Variants in VDAC1 observed in about 807,000 individuals in gnomAD.
VDAC1 encodes voltage dependent anion channel 1.
Under a neutral mutation model 34.7 loss-of-function variants are expected in VDAC1, and 10 were observed. The observed-to-expected ratio is 0.29, with a 90% CI of 0.18 to 0.49. The LOEUF is 0.49. Ranked by LOEUF, VDAC1 falls within the 20% of genes least tolerant of loss-of-function variation. The pLI, the probability that VDAC1 is intolerant of heterozygous loss-of-function variation, is 0.99. For missense variants in VDAC1, 230 were observed against 347.9 expected, an observed-to-expected ratio of 0.66 and a Z score of 2.69; for synonymous variants, 130 against 136.0, an observed-to-expected ratio of 0.96 and a Z score of 0.30.
rs1752345254 is a variant in VDAC1, at chr5:133,972,744, A to G, written c.*27T>C. On this transcript the variant is annotated 3_prime_UTR_variant, in exon 9 of 9. Coordinates refer to ENST00000265333, the MANE Select transcript of VDAC1 (RefSeq NM_003374.3). ...AGGTAGCTATGCTGCAAAATAGTTT[A>G]AAATTAAACAATTGTACAGTATTCA... 7.3e-7 allele frequency: 1 copy of G among 1,377,828 alleles called. No individual in the cohort carries two copies. The highest frequency in any genetic ancestry group is 1.4e-5 in the African/African-American group (1 of 69,472). 85.4% of individuals were successfully genotyped at this position (1,377,828 alleles called of 1,614,324 possible). A position where few individuals can be genotyped will look rare whatever the true frequency, so the allele number is the denominator to read the frequency against.
chr5:133,998,097 T>A (rs1343098673), intron 1 of VDAC1, among the ~76,000 whole-genome samples: 2 of 150,626 alleles, frequency 1.3e-5, no homozygotes, highest in South Asian at 2.1e-4. Flanking sequence ...GAAAGAAAGC[T>A]AGCTAGCTAT....
chr5:134,072,534 T>A, the VDAC1 span, among the ~76,000 whole-genome samples: 2 of 152,108 alleles, frequency 1.3e-5, no homozygotes, highest in Non-Finnish European at 2.9e-5. Context: ...GACAGCACAC[T>A]GGGGGGAAAG....
chr5:133,992,424 G>A, intron 2 of VDAC1, 69 bp from the exon 3 acceptor site: 1 of 1,274,094 alleles, frequency 7.8e-7, no homozygotes, highest in Non-Finnish European at 1.1e-6. Flanking sequence ...CCTCCCTCAT[G>A]GTTGCTTCAG....
chr5:134,031,454 C>T, the VDAC1 span, among the ~76,000 whole-genome samples: 6 of 152,130 alleles, frequency 3.9e-5, no homozygotes, highest in Non-Finnish European at 5.9e-5. Flanking sequence ...TCCCAGGAGG[C>T]CCTAAATGCA....
intron 5 of VDAC1, among the ~76,000 whole-genome samples, chr5:133,981,371 T>G (rs917075570): frequency 9.2e-5 from 14 of 152,214 alleles, no homozygotes; most frequent in African/African-American, 2.9e-4. Context: ...GCTACCTAAA[T>G]AGCAGCTTTT....
chr5:133,984,162 C>T (rs1194999669), intron 5 of VDAC1, among the ~76,000 whole-genome samples: 3 of 152,020 alleles, frequency 2.0e-5, no homozygotes, highest in African/African-American at 7.3e-5. Flanking sequence ...CTCAGGTGAT[C>T]CTCCCACCTC....
intron 1 of VDAC1, among the ~76,000 whole-genome samples, chr5:133,998,540 A>C (rs1294641539): frequency 6.6e-6 from 1 of 152,200 alleles, no homozygotes; most frequent in Non-Finnish European, 1.5e-5. Context: ...CCCTCTCCAA[A>C]AAAACAGCAC....
chr5:134,033,356 C>G, the VDAC1 span, among the ~76,000 whole-genome samples: 3 of 151,576 alleles, frequency 2.0e-5, 1 homozygote, highest in South Asian at 6.3e-4. Context: ...CGGGGTTTCA[C>G]CACGTTGGCC....
chr5:134,099,671 C>A, the VDAC1 span, among the ~76,000 whole-genome samples: 2 of 152,342 alleles, frequency 1.3e-5, no homozygotes, highest in Non-Finnish European at 2.9e-5. Context: ...GCGTTGACCT[C>A]TTTGGCTTAA....
chr5:133,990,752 T>C (rs1410257364), intron 5 of VDAC1, 103 bp downstream of exon 5: 4 of 1,378,278 alleles, frequency 2.9e-6, no homozygotes, highest in Non-Finnish European at 3.9e-6. Context: ...TCGGAGACCA[T>C]ATTTTAGGTG....
chr5:133,991,210 T>C (rs1314879600), intron 3 of VDAC1, 56 bp from the exon 4 acceptor site: 1 of 1,598,884 alleles, frequency 6.3e-7, no homozygotes, highest in African/African-American at 1.3e-5. Flanking sequence ...TTGGCTTCAC[T>C]TCACTCCTAA....
intron 6 of VDAC1, 40 bp downstream of exon 6, chr5:133,980,689 A>AGCCCCCCCCCCCCCCCC: frequency 7.1e-6 from 4 of 564,052 alleles, no homozygotes; most frequent in Middle Eastern, 3.7e-4. Context: ...ACATGCTCCA[A>AGCCCCCCCCCCCCCCCC]CCCCACCCCT....
At position 133,994,305 on chromosome 5, in the gene VDAC1, G is replaced by A. The variant is rs183461829; in HGVS notation, c.-6-1287C>T. 1.1e-3 allele frequency among the ~76,000 whole-genome samples: 168 copies of A among 152,262 alleles called. 3 individuals carry two copies. The highest frequency in any genetic ancestry group is 1.3e-3 in the Admixed American group (20 of 15,292). On this transcript the variant is annotated intron_variant, in intron 1 of 8. Transcript: ENST00000265333. ...TTTAAATTGTGAAGTTGTGATCCAG[G>A]TCCTACTTTACTTTTTCCAGATGCT...
chr5:133,976,552 C>T (rs184423189), intron 6 of VDAC1, among the ~76,000 whole-genome samples: 1 of 151,772 alleles, frequency 6.6e-6, no homozygotes, highest in East Asian at 1.9e-4. Flanking sequence ...TGGTGACTCA[C>T]GCCTGTAATC....
chr5:134,003,547 A>G (rs1397729533), intron 1 of VDAC1, among the ~76,000 whole-genome samples: 5 of 152,212 alleles, frequency 3.3e-5, no homozygotes, highest in Non-Finnish European at 7.3e-5. Context: ...TGGTATACAA[A>G]TGCTTGTCAA....
the VDAC1 span, among the ~76,000 whole-genome samples, chr5:134,083,915 C>G: frequency 2.6e-5 from 4 of 152,296 alleles, no homozygotes; most frequent in African/African-American, 9.6e-5. Flanking sequence ...TGGAGTGGTG[C>G]AGAGGTCCCA....
At chr5:134,084,583 G>A in the VDAC1 span, among the ~76,000 whole-genome samples, 16 of 152,250 alleles carry the variant, frequency 1.1e-4, no homozygotes, top group African/African-American at 3.6e-4. Context: ...CTCAGGTCCT[G>A]GCTACCTCCA....
intron 6 of VDAC1, among the ~76,000 whole-genome samples, chr5:133,978,317 C>T (rs1027836934): frequency 6.6e-6 from 1 of 151,826 alleles, no homozygotes; most frequent in Non-Finnish European, 1.5e-5. Flanking sequence ...TAAAAAATTT[C>T]TTAGAGACAG....
At chr5:134,000,282 AAC>A (rs1469824805) in intron 1 of VDAC1, among the ~76,000 whole-genome samples, 1 of 152,130 alleles carries the variant, frequency 6.6e-6, no homozygotes, top group Non-Finnish European at 1.5e-5. Flanking sequence ...ATTCTTCCAC[AAC>A]AGTCTCGCAG....
Sources: gnomAD v4.1 joint callset for allele counts (sites outside exome capture counted in the v4.1 genomes callset) on GRCh38, gnomAD v4.1.1 for gene constraint, MANE v1.5 for transcripts, NCBI Gene and HGNC (gene_info 2026-07-23, HGNC 2026-07-21) for gene names.